Variants in GRIK4 observed in about 807,000 individuals in gnomAD.
GRIK4 encodes glutamate ionotropic receptor kainate type subunit 4.
In GRIK4, 40 loss-of-function variants were observed where a neutral mutation model predicts 104.9. The ratio of observed to expected loss-of-function variants is 0.38; its 90% CI spans 0.30 to 0.50. The LOEUF is 0.50. GRIK4 is among the 20% of genes least tolerant of loss of function. GRIK4 has a pLI of 0.93. For missense variants in GRIK4, 1,047 were observed against 1,308.1 expected (o/e 0.80, Z 3.08); for synonymous variants, 485 against 524.9 (o/e 0.92, Z 1.04).
Position 120,974,222 on chromosome 11 carries a change from T to G in GRIK4, c.2395+6899T>G, listed in dbSNP as rs528220670. 3.3e-4 allele frequency among the ~76,000 whole-genome samples: 51 copies of G among 152,346 alleles called. No homozygotes were observed. The South Asian group carries it at 9.9e-3, about 30-fold the overall frequency. ...CACACCCGGGCTTTAAGTCTTTAAGTGTTCACCAAGAATCGAGACCTAGGA... is the reference window on the plus strand; with the variant it reads ...CACACCCGGGCTTTAAGTCTTTAAGGGTTCACCAAGAATCGAGACCTAGGA... On this transcript the variant is annotated intron_variant, in intron 19 of 20. Coordinates refer to ENST00000527524, the MANE Select transcript of GRIK4 (RefSeq NM_014619.5).
rs768823494 is a variant in GRIK4, at chr11:120,802,709, C to T, written c.99C>T (p.Asp33=). 1.2e-6 allele frequency: 2 copies of T among 1,613,872 alleles called. No homozygotes were observed. Among genetic ancestry groups the T allele is most frequent in the Non-Finnish European group, 1.7e-6 (2 of 1,179,918 alleles). ...HSLRIAAILD[D]PMECSRGERL... ...TGCCCACAGCTGCTATCTTGGACGA[C>T]CCCATGGAGTGCAGCAGAGGGGAGC... Residue 33 remains aspartate, a synonymous_variant, in exon 4 of 21, where the codon GAC becomes GAT. Transcript: ENST00000527524.
At chr11:120,965,397 C>T (rs548565040) in intron 18 of GRIK4, among the ~76,000 whole-genome samples, 2 of 152,344 alleles carry the variant, frequency 1.3e-5, no homozygotes, top group South Asian at 2.1e-4. Context: ...TTCATGTGTC[C>T]ATTCACGGCA....
chr11:120,670,064 T>C (rs893639658), intron 3 of GRIK4, among the ~76,000 whole-genome samples: 1 of 152,200 alleles, frequency 6.6e-6, no homozygotes, highest in Admixed American at 6.5e-5. Flanking sequence ...GCTCCAAACC[T>C]TGGAGTCATC....
chr11:120,881,094 G>A (rs575188956), intron 11 of GRIK4, among the ~76,000 whole-genome samples: 46 of 152,222 alleles, frequency 3.0e-4, no homozygotes, highest in African/African-American at 1.0e-3. Flanking sequence ...TTTTCAGTTC[G>A]TCTAGGTTGT....
At chr11:120,832,977 G>A (rs181673718) in intron 7 of GRIK4, among the ~76,000 whole-genome samples, 66 of 152,226 alleles carry the variant, frequency 4.3e-4, no homozygotes, top group Admixed American at 1.1e-3. Flanking sequence ...TTAATTGCAC[G>A]TTTAAGCACA....
At chr11:120,642,894 T>C (rs143041769) in intron 1 of GRIK4, among the ~76,000 whole-genome samples, 2 of 152,316 alleles carry the variant, frequency 1.3e-5, no homozygotes, top group African/African-American at 4.8e-5. Context: ...ATCTACGTGC[T>C]CCTGAGGCTG....
rs1201285225 is a variant in GRIK4, at chr11:120,787,844, T to TTTC, written c.83-14846_83-14844dup. Among the ~76,000 whole-genome samples the TTTC allele has an allele frequency of 7.9e-4, 86 of 108,652 alleles. 2 individuals carry two copies. Among genetic ancestry groups the TTTC allele is most frequent in the African/African-American group, 2.5e-3 (83 of 32,624 alleles). 71.3% of individuals were successfully genotyped at this position (108,652 alleles called of 152,430 possible). A position where few individuals can be genotyped will look rare whatever the true frequency, so the allele number is the denominator to read the frequency against. On this transcript the variant is annotated intron_variant, in intron 3 of 20. Coordinates refer to ENST00000527524, the MANE Select transcript of GRIK4 (RefSeq NM_014619.5). ...GCATTATATTTCTTCTCTTTTTTCT[T>TTTC]TTCTTTTCTTTTTTTTTTTTTTTTT... is the stretch of plus-strand genomic sequence containing the variant.
At chr11:120,730,149 G>A (rs1951102979) in intron 3 of GRIK4, among the ~76,000 whole-genome samples, 1 of 152,078 alleles carries the variant, frequency 6.6e-6, no homozygotes, top group Admixed American at 6.5e-5. Context: ...GAGCTCAGGA[G>A]TTCAGGACCG....
intron 1 of GRIK4, among the ~76,000 whole-genome samples, chr11:120,578,179 C>T (rs2135087611): frequency 6.6e-6 from 1 of 152,276 alleles, no homozygotes; most frequent in East Asian, 1.9e-4. Flanking sequence ...CACCTGTTGC[C>T]TCCCCTGGGG....
chr11:120,578,585 G>T (rs906122985), intron 1 of GRIK4, among the ~76,000 whole-genome samples: 24 of 152,202 alleles, frequency 1.6e-4, no homozygotes, highest in Admixed American at 1.3e-3. Context: ...CTTCCATAGA[G>T]GGGGATACAC....
chr11:120,607,023 G>T (rs935162940), intron 1 of GRIK4, among the ~76,000 whole-genome samples: 1 of 152,196 alleles, frequency 6.6e-6, no homozygotes, highest in Non-Finnish European at 1.5e-5. Context: ...ATGGAATTTG[G>T]GTGGTCTCCT....
At chr11:120,944,181 A>T (rs908800816) in intron 14 of GRIK4, among the ~76,000 whole-genome samples, 10 of 48,208 alleles carry the variant, frequency 2.1e-4, no homozygotes, top group East Asian at 6.5e-4. Context: ...CCCCCGTCCC[A>T]CCCTCCTTCC....
intron 3 of GRIK4, among the ~76,000 whole-genome samples, chr11:120,796,198 G>A (rs1952511592): frequency 6.6e-6 from 1 of 151,872 alleles, no homozygotes; most frequent in African/African-American, 2.4e-5. Flanking sequence ...ACAACGCCTG[G>A]CATATTTTTT....
chr11:120,904,531 T>C (rs927057038), intron 12 of GRIK4, among the ~76,000 whole-genome samples: 3 of 152,334 alleles, frequency 2.0e-5, no homozygotes, highest in Non-Finnish European at 2.9e-5. Context: ...ACTCGCAGCC[T>C]TGCGTCTTTA....
At chr11:120,861,387 C>T (rs188979964) in intron 8 of GRIK4, among the ~76,000 whole-genome samples, 211 of 152,158 alleles carry the variant, frequency 1.4e-3, no homozygotes, top group African/African-American at 4.7e-3. Context: ...GGATTATGAG[C>T]GTGAGCCACT....
At chr11:120,938,435 G>C (rs1409562312) in intron 13 of GRIK4, among the ~76,000 whole-genome samples, 3 of 152,132 alleles carry the variant, frequency 2.0e-5, no homozygotes, top group Admixed American at 1.3e-4. Context: ...ACCATATAAG[G>C]CTCCGAGTTT....
chr11:120,757,275 G>A lies in GRIK4; in HGVS notation c.83-45418G>A, dbSNP rs79279684. Among the ~76,000 whole-genome samples the A allele has an allele frequency of 2.6e-5, 4 of 152,344 alleles. No homozygotes were observed. The East Asian group carries it at 7.7e-4, about 29-fold the overall frequency. The stretch of plus-strand genomic sequence containing the variant: ...TTGTGTCTGCTGGGCCAGGATACCT[G>A]CCTTGGGGCGTCCAGAAGGTGGTGT... On this transcript the variant is annotated intron_variant, in intron 3 of 20. Transcript: ENST00000527524.
chr11:120,652,124 T>G (rs923134277), intron 1 of GRIK4, among the ~76,000 whole-genome samples: 6 of 152,234 alleles, frequency 3.9e-5, no homozygotes, highest in African/African-American at 1.4e-4. Flanking sequence ...TGGCAGTATC[T>G]GCTTCGCAGG....
intron 6 of GRIK4, among the ~76,000 whole-genome samples, chr11:120,824,543 T>TA (rs1953205889): frequency 6.6e-6 from 1 of 150,768 alleles, no homozygotes; most frequent in Non-Finnish European, 1.5e-5. Flanking sequence ...CCTTCTTTTT[T>TA]TTTTCTTTTC....
Sources: allele counts gnomAD v4.1 joint callset (sites outside exome capture counted in the v4.1 genomes callset), GRCh38; gene constraint gnomAD v4.1.1; transcripts MANE v1.5; gene names NCBI Gene and HGNC (gene_info 2026-07-23, HGNC 2026-07-21).